RAD17: variants seen among roughly 807,000 people sequenced by gnomAD.
RAD17 encodes RAD17 checkpoint clamp loader component.
RAD17 carries 31 observed loss-of-function variants against 81.5 expected under a neutral mutation model. The observed-to-expected ratio is 0.38, with a 90% CI of 0.29 to 0.51. The LOEUF (loss-of-function observed/expected upper bound fraction) is 0.51, where lower values mean the gene tolerates loss of function less well. Ranked by LOEUF, RAD17 falls within the 20% of genes least tolerant of loss-of-function variation. The pLI is 0.88. For missense variants in RAD17, 681 were observed against 781.2 expected, an observed-to-expected ratio of 0.87 and a Z score of 1.53; for synonymous variants, 261 against 266.2, an observed-to-expected ratio of 0.98 and a Z score of 0.19.
rs550937112 is a variant in RAD17, at chr5:69,410,493, C to T, written c.1694C>T (p.Ala565Val). The change falls in exon 18 of 19, where the codon GCT (alanine) becomes GTT (valine). Residue 565 changes from alanine (A) to valine (V), a missense_variant and splice_region_variant. Coordinates refer to ENST00000354868, the MANE Select transcript of RAD17 (RefSeq NM_133338.3). ...ACAACTTTTAAAAAATCTGTTTCAG[C>T]TCAGATTTCTTTTATCCAAGATATT... ...ALLTIPMRNQAQISFIQDIGR... is the reference protein window; with the variant it reads ...ALLTIPMRNQVQISFIQDIGR... 152 of 1,611,268 alleles carry T rather than the reference C, an allele frequency of 9.4e-5. 3 individuals are homozygous for T. In the South Asian group the frequency reaches 1.5e-3, roughly 16 times the overall value.
At chr5:69,386,003 G>A in intron 8 of RAD17, 40 bp from the exon 9 acceptor site, 1 of 1,454,098 alleles carries the variant, frequency 6.9e-7, no homozygotes, top group South Asian at 1.5e-5. Context: ...ATTTGCAATG[G>A]AATAAAACTA....
chr5:69,394,222 A>G (rs1764733905), intron 15 of RAD17, among the ~76,000 whole-genome samples: 1 of 150,016 alleles, frequency 6.7e-6, no homozygotes, highest in Non-Finnish European at 1.5e-5. Context: ...CACTATCCTT[A>G]GCTAATTTTT....
In RAD17 at chr5:69,396,414, G is replaced by C; in HGVS notation, c.1440G>C (p.Arg480Ser). 1 of 1,610,416 alleles carries C rather than the reference G, an allele frequency of 6.2e-7. No homozygotes were observed. Among genetic ancestry groups the C allele is most frequent in the Non-Finnish European group, 8.5e-7 (1 of 1,178,022 alleles). Residue 480 changes from arginine to serine, a missense_variant, in exon 16 of 19, where the codon AGG becomes AGC. Coordinates refer to ENST00000354868, the MANE Select transcript of RAD17 (RefSeq NM_133338.3). ...SGDWNTRSLLREYSTSIATRG... is the reference protein window; with the variant it reads ...SGDWNTRSLLSEYSTSIATRG... ...TTTGTTAGACACGCTCTTTACTCAG[G>C]GAATATAGCACATCTATAGCTACGA...
intron 6 of RAD17, among the ~76,000 whole-genome samples, chr5:69,377,586 CAT>C (rs374588789): frequency 0.017 from 95 of 5,512 alleles, 27 homozygotes; most frequent in East Asian, 0.025. Flanking sequence ...TATATGTATA[CAT>C]ATATATATGC....
intron 11 of RAD17, among the ~76,000 whole-genome samples, chr5:69,387,059 G>A (rs997611045): frequency 1.3e-5 from 2 of 151,450 alleles, no homozygotes; most frequent in African/African-American, 4.9e-5. Context: ...CAAGCAGCTG[G>A]GACTACAGGC....
rs527746960 is a variant in RAD17 at position 69,414,768 on chromosome 5, A to G, written c.*476A>G. ...TAGATACTTTTTGGAAAGTATTTAC[A>G]TAAGTTATATCACAATTAAAATGTT... On this transcript the variant is annotated 3_prime_UTR_variant, in exon 19 of 19. Transcript: ENST00000354868. The G allele has an allele frequency of 1.2e-5, 2 of 164,690 alleles. No individual in the cohort carries two copies. Among genetic ancestry groups the G allele is most frequent in the East Asian group, 1.8e-4 (1 of 5,576 alleles). 10.2% of individuals were successfully genotyped at this position (164,690 alleles called of 1,614,324 possible).
At chr5:69,377,470 T>C (rs1399420685) in intron 6 of RAD17, among the ~76,000 whole-genome samples, 923 of 5,708 alleles carry the variant, frequency 0.16, 64 homozygotes, top group African/African-American at 0.19. Flanking sequence ...TATATATATA[T>C]ATATACACAC....
chr5:69,410,965 CTATATATATATATA>C (rs1554044686), intron 18 of RAD17, among the ~76,000 whole-genome samples: 1 of 90,264 alleles, frequency 1.1e-5, no homozygotes, highest in African/African-American at 4.9e-5. Flanking sequence ...AGATGTCTGT[CTATATATATATATA>C]TATATATATA....
chr5:69,373,587 C>T (rs999431803), intron 4 of RAD17, among the ~76,000 whole-genome samples: 7 of 151,488 alleles, frequency 4.6e-5, no homozygotes, highest in Non-Finnish European at 1.0e-4. Context: ...TGCCTGTAGT[C>T]CCAGTTACTC....
rs550222595 is a variant in RAD17 at position 69,407,562 on chromosome 5, G to GTTTTTTTTTTTT, written c.1694-2911_1694-2900dup. The stretch of plus-strand genomic sequence containing the variant: ...CTTCTATATGTCAATCTATGTCCAA[G>GTTTTTTTTTTTT]TTTTTTTTTTTTTTTTTTTTTTTTT... On this transcript the variant is annotated intron_variant, in intron 17 of 18. Transcript: ENST00000354868. Among the ~76,000 whole-genome samples the GTTTTTTTTTTTT allele has an allele frequency of 2.4e-4, 10 of 40,890 alleles. 4 individuals carry two copies. Among genetic ancestry groups the GTTTTTTTTTTTT allele is most frequent in the East Asian group, 1.0e-3 (1 of 986 alleles). The allele number at this position is 40,890 out of a possible 152,430, so 26.8% of individuals were successfully genotyped here. A position where few individuals can be genotyped will look rare whatever the true frequency, so the allele number is the denominator to read the frequency against.
intron 17 of RAD17, among the ~76,000 whole-genome samples, chr5:69,404,445 A>C (rs967576927): frequency 5.9e-5 from 9 of 152,232 alleles, no homozygotes; most frequent in Non-Finnish European, 1.3e-4. Flanking sequence ...CAGCCTGGGC[A>C]ACATGGTGAA....
At chr5:69,372,355 C>G (rs1763059321) in intron 4 of RAD17, 138 bp downstream of exon 4, 2 of 702,094 alleles carry the variant, frequency 2.8e-6, no homozygotes, top group Admixed American at 2.9e-5. Flanking sequence ...ATTGTCTCCC[C>G]TAAGCCTACT....
chr5:69,373,772 T>A, intron 4 of RAD17, 58 bp from the exon 5 acceptor site: 1 of 1,406,694 alleles, frequency 7.1e-7, no homozygotes, highest in South Asian at 1.2e-5. Flanking sequence ...GTTCAGTTAT[T>A]TGGGGGAATA....
chr5:69,377,533 A>ACATATATATATGCATATATATG (rs1763477124), intron 6 of RAD17, among the ~76,000 whole-genome samples: 1 of 63,636 alleles, frequency 1.6e-5, no homozygotes, highest in Non-Finnish European at 3.1e-5. Flanking sequence ...ATATGTGTAT[A>ACATATATATATGCATATATATG]TATACGTATA....
intron 17 of RAD17, among the ~76,000 whole-genome samples, chr5:69,406,375 T>C (rs1765603757): frequency 6.6e-6 from 1 of 152,186 alleles, no homozygotes. Context: ...GGGATTACCA[T>C]GGGCTTGGGT....
At chr5:69,398,441 G>A (rs755084261) in intron 16 of RAD17, among the ~76,000 whole-genome samples, 42 of 152,094 alleles carry the variant, frequency 2.8e-4, no homozygotes, top group Non-Finnish European at 5.1e-4. Context: ...CACACAAGTT[G>A]AAAACAAAAT....
chr5:69,383,471 T>C (rs1215692583), intron 7 of RAD17, among the ~76,000 whole-genome samples: 5 of 151,904 alleles, frequency 3.3e-5, no homozygotes, highest in Non-Finnish European at 5.9e-5. Context: ...CTCCGCCTCC[T>C]GGGTTCAAGC....
intron 6 of RAD17, among the ~76,000 whole-genome samples, chr5:69,381,482 A>G (rs1200390972): frequency 6.6e-6 from 1 of 151,660 alleles, no homozygotes; most frequent in Non-Finnish European, 1.5e-5. Flanking sequence ...CTCGTCTCAA[A>G]AAAAAAAAAA....
chr5:69,371,137 G>C lies in RAD17; in HGVS notation c.-314G>C. On this transcript the variant is annotated 5_prime_UTR_variant, in exon 2 of 19. Transcript: ENST00000354868. ...AACTTTAATTTTCAGTATAAAAATT[G>C]CTCAAATAGAATTGCCTGATTTTAA... 2.1e-6 allele frequency: 1 copy of C among 486,164 alleles called. No individual in the cohort carries two copies. The highest frequency in any genetic ancestry group is 4.0e-6 in the Non-Finnish European group (1 of 250,814). The allele number at this position is 486,164 out of a possible 1,614,324, so 30.1% of individuals were successfully genotyped here. A position where few individuals can be genotyped will look rare whatever the true frequency, so the allele number is the denominator to read the frequency against.
Sources: allele counts gnomAD v4.1 joint callset (sites outside exome capture counted in the v4.1 genomes callset), GRCh38; gene constraint gnomAD v4.1.1; transcripts MANE v1.5; gene names NCBI Gene and HGNC (gene_info 2026-07-23, HGNC 2026-07-21).